DOT1L: variants seen among roughly 807,000 people sequenced by gnomAD.
The protein encoded by DOT1L is DOT1 like histone lysine methyltransferase, also known as histone-lysine N-methyltransferase, H3 lysine-79 specific.
A neutral mutation model predicts 153.3 loss-of-function variants in DOT1L; 33 were observed. The ratio of observed to expected loss-of-function variants is 0.22; its 90% CI spans 0.16 to 0.29. The LOEUF is 0.29. DOT1L is among the 10% of genes least tolerant of loss of function. DOT1L has a pLI of 1.00. For synonymous variants in DOT1L, 1,135 were observed against 965.1 expected (o/e 1.18, Z -3.26); for missense variants, 1,847 against 2,119.9 (o/e 0.87, Z 2.53).
intron 1 of DOT1L, 36 bp downstream of exon 1, chr19:2,164,301 C>T (rs1236269106): frequency 4.9e-6 from 6 of 1,231,280 alleles, no homozygotes; most frequent in African/African-American, 3.1e-5. Context: ...ACCTCCCGGC[C>T]TCCCCTCCTC....
Position 2,190,902 on chromosome 19 carries a change from G to A in DOT1L, c.265-110G>A. The A allele has an allele frequency of 9.7e-7, 1 of 1,026,860 alleles. No homozygotes were observed. The highest frequency in any genetic ancestry group is 1.5e-5 in the South Asian group (1 of 66,610). The allele number at this position is 1,026,860 out of a possible 1,614,324, so 63.6% of individuals were successfully genotyped here. On this transcript the variant is annotated intron_variant, in intron 4 of 27. Coordinates refer to ENST00000398665, the MANE Select transcript of DOT1L (RefSeq NM_032482.3). The surrounding 1 kb of genome is among the most constrained non-coding windows in gnomAD (Gnocchi z 4.8). Reference sequence around the variant, plus strand: ...GCAGCCACCCTGCAGGGGGACGAGAGGCCATGCAGCCGACTCCCTGCTTCC... The same window carrying A: ...GCAGCCACCCTGCAGGGGGACGAGAAGCCATGCAGCCGACTCCCTGCTTCC...
At chr19:2,206,641 G>C (rs1362673630) in intron 9 of DOT1L, 88 bp from the exon 10 acceptor site, 3 of 1,342,908 alleles carry the variant, frequency 2.2e-6, no homozygotes, top group Non-Finnish European at 3.2e-6. Flanking sequence ...TGTGTTCCGT[G>C]TCATTGTTCC....
At chr19:2,177,954 A>G (rs113510965) in intron 1 of DOT1L, among the ~76,000 whole-genome samples, 20 of 148,210 alleles carry the variant, frequency 1.3e-4, no homozygotes, top group African/African-American at 5.0e-4. Context: ...ATGGATTCTC[A>G]CTCTGTATCC....
At chr19:2,184,145 G>A (rs559055500) in intron 2 of DOT1L, among the ~76,000 whole-genome samples, 7 of 152,088 alleles carry the variant, frequency 4.6e-5, no homozygotes, top group Admixed American at 6.5e-5. Flanking sequence ...GCCGAGTTGC[G>A]CTGGCCGGAA....
intron 27 of DOT1L, chr19:2,229,271 C>T (rs189993015): frequency 3.1e-5 from 31 of 985,468 alleles, no homozygotes; most frequent in Non-Finnish European, 3.6e-5. Flanking sequence ...CCTCCAGGGA[C>T]ATGGCGTGCC....
At chr19:2,206,113 T>G (rs1455102970) in intron 9 of DOT1L, among the ~76,000 whole-genome samples, 1 of 149,790 alleles carries the variant, frequency 6.7e-6, no homozygotes, top group Admixed American at 6.6e-5. Context: ...TTCTCCTGCC[T>G]CAGCCTCCCG....
At position 2,210,824 on chromosome 19, in the gene DOT1L, C is replaced by T. The variant is rs545805803; in HGVS notation, c.1320C>T (p.Thr440=). The stretch of plus-strand genomic sequence containing the variant: ...CACTGGATGCCCTGCACGCTCAGAC[C>T]GTGTCTCAGACGGCGGCCTCCTCAC... The part of the protein sequence containing the change: ...QTALDALHAQ[T]VSQTAASSPQ... The change falls in exon 14 of 28, where the codon ACC becomes ACT. Residue 440 remains threonine, a synonymous_variant. Transcript: ENST00000398665. The T allele has an allele frequency of 9.9e-6, 16 of 1,612,780 alleles. No homozygotes were observed. Among genetic ancestry groups the T allele is most frequent in the Middle Eastern group, 1.7e-4 (1 of 6,060 alleles).
chr19:2,195,321 A>C (rs896665780), intron 7 of DOT1L, among the ~76,000 whole-genome samples: 1 of 152,132 alleles, frequency 6.6e-6, no homozygotes, highest in African/African-American at 2.4e-5. Flanking sequence ...CTTTCCACAC[A>C]GAGGCCTGCA....
rs760344557 is a variant in DOT1L, at chr19:2,217,125, G to A, written c.2544+35G>A. Reference sequence around the variant, plus strand: ...GCGACCCCTGCCCCGGGCTCAGGGAGGTGCTCAGCAGAGGCGGCCTGAGCG... The same window carrying A: ...GCGACCCCTGCCCCGGGCTCAGGGAAGTGCTCAGCAGAGGCGGCCTGAGCG... On this transcript the variant is annotated intron_variant, in intron 21 of 27. Transcript: ENST00000398665. The surrounding 1 kb of genome is among the most constrained non-coding windows in gnomAD (Gnocchi z 7.3). 9 of 1,550,934 alleles carry A rather than the reference G, an allele frequency of 5.8e-6. No homozygotes were observed. The South Asian group carries it at 8.1e-5, about 14-fold the overall frequency.
intron 1 of DOT1L, among the ~76,000 whole-genome samples, chr19:2,174,209 C>T (rs1019246599): frequency 1.3e-5 from 2 of 152,224 alleles, no homozygotes; most frequent in African/African-American, 2.4e-5. Context: ...CCCTGGCTCT[C>T]GGGCAGCACC....
intron 27 of DOT1L, chr19:2,228,942 C>G: frequency 1.0e-6 from 1 of 985,446 alleles, no homozygotes; most frequent in Non-Finnish European, 1.2e-6. Flanking sequence ...CCCTGCCTGC[C>G]TGGGGGCTGA....
At chr19:2,174,403 C>A (rs1568328091) in intron 1 of DOT1L, among the ~76,000 whole-genome samples, 1 of 152,154 alleles carries the variant, frequency 6.6e-6, no homozygotes, top group Non-Finnish European at 1.5e-5. Context: ...AATGCTCTGT[C>A]AGGTTGGGCA....
At chr19:2,186,983 G>A (rs559718901) in intron 3 of DOT1L, among the ~76,000 whole-genome samples, 2 of 152,354 alleles carry the variant, frequency 1.3e-5, no homozygotes, top group Admixed American at 6.5e-5. Flanking sequence ...TGTCCGTGGA[G>A]TTGGGGAGCA....
At chr19:2,198,140 G>A (rs551104450) in intron 7 of DOT1L, among the ~76,000 whole-genome samples, 22 of 152,318 alleles carry the variant, frequency 1.4e-4, no homozygotes, top group African/African-American at 5.3e-4. Flanking sequence ...GAGCGTGGGG[G>A]ACCCCAGGGA....
rs2023955644 is a variant in DOT1L, at chr19:2,217,674, TTGAGA to T, written c.2545-97_2545-93del. On this transcript the variant is annotated intron_variant, in intron 21 of 27. Transcript: ENST00000398665. The surrounding 1 kb of genome is among the most constrained non-coding windows in gnomAD (Gnocchi z 7.3). Reference sequence around the variant, plus strand: ...GGGCCTTGGCAGCGTGGGGGCCGCCTTGAGAGAGCTGTAGCAGGCCCCCGTCCTGT... The same window carrying T: ...GGGCCTTGGCAGCGTGGGGGCCGCCTGAGCTGTAGCAGGCCCCCGTCCTGT... 6.7e-7 allele frequency: 1 copy of T among 1,496,298 alleles called. No homozygotes were observed. Among genetic ancestry groups the T allele is most frequent in the Admixed American group, 2.1e-5 (1 of 48,368 alleles). 92.7% of individuals were successfully genotyped at this position (1,496,298 alleles called of 1,614,324 possible).
chr19:2,228,465 G>A, intron 27 of DOT1L: 2 of 1,215,336 alleles, frequency 1.6e-6, no homozygotes, highest in South Asian at 1.5e-5. Flanking sequence ...ACAGGGCTCG[G>A]CAGAAGTTCC....
At chr19:2,171,260 G>T (rs767981226) in intron 1 of DOT1L, among the ~76,000 whole-genome samples, 7 of 152,192 alleles carry the variant, frequency 4.6e-5, no homozygotes, top group Non-Finnish European at 1.0e-4. Context: ...GAGTCCTCCA[G>T]GGGAAGGACT....
chr19:2,210,980 G>A (rs763530550), intron 14 of DOT1L, 119 bp from the exon 15 acceptor site: 5 of 1,455,994 alleles, frequency 3.4e-6, no homozygotes, highest in Non-Finnish European at 3.8e-6. Context: ...CCCTGTTGTG[G>A]CTGTGCCTTC....
intron 25 of DOT1L, among the ~76,000 whole-genome samples, chr19:2,225,153 C>G (rs986417582): frequency 7.2e-4 from 110 of 152,206 alleles, no homozygotes; most frequent in African/African-American, 2.6e-3. Flanking sequence ...CTTGTCCCAG[C>G]AGAGGCCCTG....
Sources: allele counts gnomAD v4.1 joint callset (sites outside exome capture counted in the v4.1 genomes callset), GRCh38; gene constraint gnomAD v4.1.1; non-coding constraint Gnocchi (gnomAD v3.1); transcripts MANE v1.5; gene names NCBI Gene and HGNC (gene_info 2026-07-23, HGNC 2026-07-21).